Variants in BSN observed in about 807,000 individuals in gnomAD.
The protein encoded by BSN is protein bassoon.
In BSN, 57 loss-of-function variants were observed where a neutral mutation model predicts 264.8. The observed-to-expected ratio is 0.22, with a 90% confidence interval of 0.17 to 0.27. The LOEUF (loss-of-function observed/expected upper bound fraction) is 0.27. Ranked by LOEUF, BSN falls within the 10% of genes least tolerant of loss-of-function variation. The probability of loss-of-function intolerance (pLI) is 1.00; values close to 1 mark genes in which losing one functional copy is unlikely to be tolerated. For synonymous variants in BSN, 2,059 were observed against 2,137.3 expected, an observed-to-expected ratio of 0.96 and a Z score of 1.01; for missense variants, 4,615 against 5,232.5, an observed-to-expected ratio of 0.88 and a Z score of 3.64.
At chr3:49,664,983 C>T in intron 10 of BSN, 130 bp downstream of exon 10, 1 of 700,598 alleles carries the variant, frequency 1.4e-6, no homozygotes, top group Non-Finnish European at 2.5e-6. Context: ...GTACCCAGAG[C>T]TGCAATGTTC....
Position 49,658,011 on chromosome 3 carries a change from A to G in BSN, c.8455A>G (p.Lys2819Glu), listed in dbSNP as rs2052625101. ...CTTTGCTTCCAGTGAGAGGCTGAAC[A>G]AAGCTCACGTGAGTCCCCAGAAGCA... is the stretch of plus-strand genomic sequence containing the variant. ...TSFASSERLN[K>E]AHVSPQKHFT... The change falls in exon 5 of 12, where the codon AAA becomes GAA. Residue 2819 changes from lysine (K) to glutamate (E), a missense_variant. By Grantham distance (56) the Lys-to-Glu change is moderately conservative. Around this residue, in one of 3 missense-constraint regions of BSN, gnomAD observed 3,415 missense variants for 3,866.4 expected, o/e 0.88. Coordinates refer to ENST00000296452, the MANE Select transcript of BSN (RefSeq NM_003458.4). The G allele has an allele frequency of 1.2e-6, 2 of 1,613,214 alleles. No homozygotes were observed. Among genetic ancestry groups the G allele is most frequent in the African/African-American group, 1.3e-5 (1 of 74,874 alleles).
Position 49,610,559 on chromosome 3 carries a change from G to A in BSN, c.225-14416G>A, listed in dbSNP as rs576743984. ...AGATCACACCACTGCACTCCAGCCT[G>A]GGCAACAAGAGCGAAATTTCATCTC... On this transcript the variant is annotated intron_variant, in intron 1 of 11. Coordinates refer to ENST00000296452, the MANE Select transcript of BSN (RefSeq NM_003458.4). 1.1e-4 allele frequency among the ~76,000 whole-genome samples: 13 copies of A among 115,462 alleles called. No individual in the cohort carries two copies. The South Asian group carries it at 4.3e-3, about 38-fold the overall frequency. 75.7% of individuals were successfully genotyped at this position (115,462 alleles called of 152,430 possible).
intron 2 of BSN, among the ~76,000 whole-genome samples, chr3:49,631,576 G>T (rs1157169023): frequency 6.7e-6 from 1 of 149,060 alleles, no homozygotes; most frequent in African/African-American, 2.5e-5. Flanking sequence ...AAAAAAAAAA[G>T]TTATTGGGGG....
intron 1 of BSN, among the ~76,000 whole-genome samples, chr3:49,577,240 C>T (rs2051851889): frequency 6.6e-6 from 1 of 152,206 alleles, no homozygotes; most frequent in Non-Finnish European, 1.5e-5. Flanking sequence ...AAATTTACCC[C>T]AGGAATATGA....
intron 1 of BSN, among the ~76,000 whole-genome samples, chr3:49,573,657 GTTTT>G (rs965564780): frequency 2.1e-5 from 3 of 141,894 alleles, no homozygotes; most frequent in South Asian, 2.2e-4. Context: ...TTTCTCTCTG[GTTTT>G]TTTTTTTTTT....
intron 1 of BSN, among the ~76,000 whole-genome samples, chr3:49,605,406 A>C (rs1256172224): frequency 2.5e-5 from 1 of 39,984 alleles, no homozygotes; most frequent in African/African-American, 1.1e-4. Context: ...ATATTTATAT[A>C]ATTTATATTT....
chr3:49,580,203 C>G (rs1575428233), intron 1 of BSN, among the ~76,000 whole-genome samples: 1 of 152,200 alleles, frequency 6.6e-6, no homozygotes, highest in East Asian at 1.9e-4. Flanking sequence ...ACCTTATTCC[C>G]CTGAGTAGCT....
At chr3:49,649,724 T>C (rs534979880) in intron 3 of BSN, among the ~76,000 whole-genome samples, 3 of 152,310 alleles carry the variant, frequency 2.0e-5, no homozygotes, top group African/African-American at 7.2e-5. Flanking sequence ...GGTTGTGGGC[T>C]CCAGAAAGGC....
intron 1 of BSN, among the ~76,000 whole-genome samples, chr3:49,602,704 C>T (rs749288224): frequency 4.6e-5 from 7 of 152,118 alleles, no homozygotes; most frequent in Non-Finnish European, 1.0e-4. Flanking sequence ...CTTGGCCTCC[C>T]AAAGTGCTGG....
Position 49,664,405 on chromosome 3 carries a change from C to T in BSN, c.11609-18C>T, listed in dbSNP as rs767261564. The T allele has an allele frequency of 6.8e-6, 11 of 1,613,694 alleles. No homozygotes were observed. The highest frequency in any genetic ancestry group is 4.0e-5 in the African/African-American group (3 of 75,024). Reference sequence around the variant, plus strand: ...CCAGGCCGTGCATAGCTCATTATGGCGATTTCTTTCCTCCTAGGTGTGAAG... The same window carrying T: ...CCAGGCCGTGCATAGCTCATTATGGTGATTTCTTTCCTCCTAGGTGTGAAG... On this transcript the variant is annotated intron_variant, in intron 8 of 11. Coordinates refer to ENST00000296452, the MANE Select transcript of BSN (RefSeq NM_003458.4).
intron 1 of BSN, among the ~76,000 whole-genome samples, chr3:49,562,323 C>T (rs557091983): frequency 6.6e-6 from 1 of 152,304 alleles, no homozygotes; most frequent in East Asian, 1.9e-4. Context: ...ATACCTATCC[C>T]TGGGTGAAGT....
Position 49,655,978 on chromosome 3 carries a change from T to C in BSN, c.6422T>C (p.Leu2141Pro), listed in dbSNP as rs773676420. 1 of 1,608,968 alleles carries C rather than the reference T, an allele frequency of 6.2e-7. No homozygotes were observed. Among genetic ancestry groups the C allele is most frequent in the South Asian group, 1.1e-5 (1 of 90,996 alleles). Residue 2141 changes from leucine to proline, a missense_variant, in exon 5 of 12, where the codon CTG becomes CCG. Coordinates refer to ENST00000296452, the MANE Select transcript of BSN (RefSeq NM_003458.4). ...CCCGGGCTCAGTGCTCCACAGAGTC[T>C]GGTTCCCCTCAGACCTGGACTCCTT... ...HGPGLSAPQS[L>P]VPLRPGLLGN...
chr3:49,637,191 C>G (rs2052426069), intron 2 of BSN, among the ~76,000 whole-genome samples: 1 of 152,246 alleles, frequency 6.6e-6, no homozygotes, highest in South Asian at 2.1e-4. Flanking sequence ...GGCTGGGGCT[C>G]TCCACAGGAA....
chr3:49,664,918 G>T, intron 10 of BSN, 65 bp downstream of exon 10: 2 of 1,283,492 alleles, frequency 1.6e-6, no homozygotes, highest in South Asian at 2.4e-5. Context: ...GGGTGGGGGT[G>T]GGGCTCTAAG....
At chr3:49,613,065 G>A (rs551379727) in intron 1 of BSN, among the ~76,000 whole-genome samples, 42 of 152,154 alleles carry the variant, frequency 2.8e-4, no homozygotes, top group Non-Finnish European at 5.1e-4. Flanking sequence ...CCTGGGAGGC[G>A]GAGGTAGCAG....
intron 1 of BSN, among the ~76,000 whole-genome samples, chr3:49,610,614 G>T (rs1279891289): frequency 1.4e-5 from 2 of 146,246 alleles, no homozygotes; most frequent in Non-Finnish European, 1.5e-5. Context: ...AAACAAGTAG[G>T]CCTGATTTCT....
chr3:49,671,068 TGCACTGGGGTG>T lies in BSN; in HGVS notation c.*3591_*3601del. 6.6e-6 allele frequency: 1 copy of T among 152,298 alleles called. No individual in the cohort carries two copies. The highest frequency in any genetic ancestry group is 1.5e-5 in the Non-Finnish European group (1 of 68,090). The allele number at this position is 152,298 out of a possible 1,614,324, so 9.4% of individuals were successfully genotyped here. Reference sequence around the variant, plus strand: ...GGGTGCCAGCAGCCCTGCTGCCATGTGCACTGGGGTGGCACTGGAGAGCCATGGCAGTCGTG... The same window carrying T: ...GGGTGCCAGCAGCCCTGCTGCCATGTGCACTGGAGAGCCATGGCAGTCGTG... On this transcript the variant is annotated 3_prime_UTR_variant, in exon 12 of 12. Transcript: ENST00000296452. The surrounding 1 kb of genome is among the most constrained non-coding windows in gnomAD (Gnocchi z 4.1).
At chr3:49,663,950 C>A in intron 8 of BSN, 64 bp downstream of exon 8, 2 of 1,468,664 alleles carry the variant, frequency 1.4e-6, no homozygotes, top group Non-Finnish European at 1.9e-6. Flanking sequence ...TCTCTCTATA[C>A]CACCTGTGCC....
chr3:49,605,309 T>A (rs2052104460), intron 1 of BSN, among the ~76,000 whole-genome samples: 1 of 96,416 alleles, frequency 1.0e-5, no homozygotes, highest in Non-Finnish European at 1.9e-5. Context: ...TATTATATAT[T>A]ATATTATATA....
Sources: allele counts gnomAD v4.1 joint callset (sites outside exome capture counted in the v4.1 genomes callset), GRCh38; gene constraint gnomAD v4.1.1; regional missense constraint gnomAD v4.1.1; non-coding constraint Gnocchi (gnomAD v3.1); transcripts MANE v1.5; gene names NCBI Gene and HGNC (gene_info 2026-07-23, HGNC 2026-07-21).